The following CDK14 variants were observed in gnomAD, a reference collection of about 807,000 sequenced individuals.
CDK14 encodes the protein cyclin-dependent kinase 14.
CDK14 carries 34 observed loss-of-function variants against 60.7 expected under a neutral mutation model. The ratio of observed to expected loss-of-function variants is 0.56; its 90% CI spans 0.43 to 0.75. The LOEUF (loss-of-function observed/expected upper bound fraction) is 0.75. CDK14 is among the 30% of genes least tolerant of loss of function. The pLI, the probability that CDK14 is intolerant of heterozygous loss-of-function variation, is 0.00. For synonymous variants in CDK14, 197 were observed against 203.7 expected, an observed-to-expected ratio of 0.97 and a Z score of 0.28; for missense variants, 482 against 564.1, an observed-to-expected ratio of 0.85 and a Z score of 1.47.
At chr7:90,850,589 C>T (rs569923679) in intron 5 of CDK14, among the ~76,000 whole-genome samples, 6 of 152,060 alleles carry the variant, frequency 3.9e-5, no homozygotes, top group Non-Finnish European at 7.4e-5. Context: ...ATTGGTGAGG[C>T]CCAGAAGCTG....
chr7:90,758,739 A>G (rs538623705), intron 4 of CDK14, among the ~76,000 whole-genome samples: 7 of 152,192 alleles, frequency 4.6e-5, no homozygotes, highest in Non-Finnish European at 1.0e-4. Context: ...TATCAATACT[A>G]TATTCTATAT....
intron 8 of CDK14, among the ~76,000 whole-genome samples, chr7:90,945,047 T>C (rs963606832): frequency 6.6e-6 from 1 of 152,118 alleles, no homozygotes; most frequent in African/African-American, 2.4e-5. Flanking sequence ...AAAAAATAAT[T>C]ACTGGTAATT....
At chr7:90,949,988 A>G (rs1407721828) in intron 8 of CDK14, among the ~76,000 whole-genome samples, 3 of 152,266 alleles carry the variant, frequency 2.0e-5, no homozygotes, top group Non-Finnish European at 4.4e-5. Flanking sequence ...CCCACATCTC[A>G]TAGTGATTAT....
chr7:90,831,269 C>A (rs1789902057), intron 5 of CDK14, among the ~76,000 whole-genome samples: 1 of 152,182 alleles, frequency 6.6e-6, no homozygotes, highest in African/African-American at 2.4e-5. Flanking sequence ...AACATATAAT[C>A]ATTGCAGAAG....
chr7:90,978,006 T>C (rs1312287538), intron 9 of CDK14, among the ~76,000 whole-genome samples: 1 of 152,158 alleles, frequency 6.6e-6, no homozygotes, highest in Non-Finnish European at 1.5e-5. Flanking sequence ...GGGCTGGGGC[T>C]GTAAGGAGGA....
At chr7:91,096,850 T>G (rs1185212519) in intron 12 of CDK14, among the ~76,000 whole-genome samples, 1 of 152,188 alleles carries the variant, frequency 6.6e-6, no homozygotes, top group Non-Finnish European at 1.5e-5. Context: ...TATAACCATG[T>G]TTTTGCATAT....
chr7:90,803,673 G>T (rs751221075), intron 5 of CDK14, among the ~76,000 whole-genome samples: 31 of 152,194 alleles, frequency 2.0e-4, no homozygotes, highest in Non-Finnish European at 3.5e-4. Context: ...TGACATGGTG[G>T]TGCAGTTTAG....
chr7:90,702,956 A>G (rs1801819426), intron 2 of CDK14, among the ~76,000 whole-genome samples: 1 of 151,980 alleles, frequency 6.6e-6, no homozygotes, highest in Admixed American at 6.6e-5. Flanking sequence ...AGTCCCTAAA[A>G]GCAATAAAAC....
chr7:90,971,614 A>G (rs901757363), intron 9 of CDK14, among the ~76,000 whole-genome samples: 2 of 149,950 alleles, frequency 1.3e-5, no homozygotes, highest in African/African-American at 4.9e-5. Context: ...ATTTAGGAAT[A>G]CTTAGGATGT....
chr7:91,205,010 TACCC>T (rs1802844076), intron 14 of CDK14, among the ~76,000 whole-genome samples: 1 of 151,984 alleles, frequency 6.6e-6, no homozygotes. Flanking sequence ...AATCAGTTCA[TACCC>T]ACTAGGATGG....
chr7:91,051,270 A>G (rs1426792075), intron 11 of CDK14, among the ~76,000 whole-genome samples: 6 of 152,168 alleles, frequency 3.9e-5, no homozygotes, highest in Non-Finnish European at 8.8e-5. Flanking sequence ...CACCTCCAAC[A>G]TTGGGGATCA....
At chr7:90,959,163 C>A (rs1794523876) in intron 9 of CDK14, among the ~76,000 whole-genome samples, 1 of 152,110 alleles carries the variant, frequency 6.6e-6, no homozygotes, top group Non-Finnish European at 1.5e-5. Context: ...AGGAGGAAAA[C>A]TGATAGAAAA....
At chr7:91,122,594 CATT>C (rs1326185715) in intron 14 of CDK14, among the ~76,000 whole-genome samples, 1 of 152,202 alleles carries the variant, frequency 6.6e-6, no homozygotes, top group Non-Finnish European at 1.5e-5. Context: ...CATGCTGTGA[CATT>C]ATGGCGGCTC....
intron 3 of CDK14, among the ~76,000 whole-genome samples, chr7:90,732,332 T>C (rs1802901680): frequency 6.6e-6 from 1 of 152,242 alleles, no homozygotes; most frequent in Non-Finnish European, 1.5e-5. Flanking sequence ...CAGGCTTTGC[T>C]ATCAGGATGA....
chr7:90,712,640 G>A (rs1488062811), intron 2 of CDK14, among the ~76,000 whole-genome samples: 1 of 152,100 alleles, frequency 6.6e-6, no homozygotes, highest in Non-Finnish European at 1.5e-5. Flanking sequence ...AATGCACTGA[G>A]AGGAAGAGTT....
intron 11 of CDK14, among the ~76,000 whole-genome samples, chr7:91,059,506 A>G (rs1797709134): frequency 6.6e-6 from 1 of 151,972 alleles, no homozygotes; most frequent in Non-Finnish European, 1.5e-5. Context: ...TAGGGTGTCA[A>G]TTTTAGATCT....
At chr7:90,857,003 A>G (rs930837561) in intron 5 of CDK14, among the ~76,000 whole-genome samples, 7 of 152,096 alleles carry the variant, frequency 4.6e-5, no homozygotes, top group Non-Finnish European at 1.0e-4. Context: ...GTGATGGCGG[A>G]TGGGCTGTGT....
chr7:91,004,965 G>A (rs963784605), intron 10 of CDK14, among the ~76,000 whole-genome samples: 14 of 152,204 alleles, frequency 9.2e-5, no homozygotes, highest in African/African-American at 3.4e-4. Context: ...AACCAGCGTG[G>A]AAAGGCTCTC....
intron 2 of CDK14, among the ~76,000 whole-genome samples, chr7:90,694,296 G>C (rs1313114730): frequency 6.6e-6 from 1 of 152,004 alleles, no homozygotes; most frequent in African/African-American, 2.4e-5. Flanking sequence ...GCAGCAAAGA[G>C]GAATAGAAGG....
Sources: allele counts gnomAD v4.1 joint callset (sites outside exome capture counted in the v4.1 genomes callset), GRCh38; gene constraint gnomAD v4.1.1; transcripts MANE v1.5; gene names NCBI Gene and HGNC (gene_info 2026-07-23, HGNC 2026-07-21).